Variants in DNMT1 observed in about 807,000 individuals in gnomAD.
DNMT1 encodes the protein DNA methyltransferase 1.
Under a neutral mutation model 205.3 loss-of-function variants are expected in DNMT1, and 24 were observed. The observed-to-expected ratio is 0.12, with a 90% CI of 0.08 to 0.16. DNMT1 has a LOEUF of 0.16. Among genes scored for constraint, DNMT1 ranks in the 10% least tolerant of loss-of-function variants. DNMT1 has a pLI of 1.00. For synonymous variants in DNMT1, 817 were observed against 839.8 expected (o/e 0.97, Z 0.47); for missense variants, 1,293 against 2,177.7 (o/e 0.59, Z 8.09).
rs555783291 is a variant in DNMT1, at chr19:10,146,817, G to A, written c.2721-293C>T. Among the ~76,000 whole-genome samples, 39 of 152,216 alleles carry A rather than the reference G, an allele frequency of 2.6e-4. No homozygotes were observed. The highest frequency in any genetic ancestry group is 8.4e-4 in the African/African-American group (35 of 41,530). On this transcript the variant is annotated intron_variant, in intron 27 of 40. Transcript: ENST00000359526. The surrounding 1 kb of genome is among the most constrained non-coding windows in gnomAD (Gnocchi z 4.4). ...TAGAATATGGTTAAGAACACACCAC[G>A]AGCAACAGTCCCGAGTGGCTCAGTG...
At chr19:10,148,490 C>T (rs182140989) in intron 27 of DNMT1, among the ~76,000 whole-genome samples, 112 of 142,596 alleles carry the variant, frequency 7.9e-4, no homozygotes, top group African/African-American at 2.7e-3. Flanking sequence ...AGCGAGACTC[C>T]GTCTCAAAAA....
In DNMT1 at chr19:10,182,228, A is replaced by G. The variant is rs370697384; in HGVS notation, c.81-151T>C. The G allele has an allele frequency of 2.8e-5, 22 of 775,718 alleles. No individual in the cohort carries two copies. The African/African-American group carries it at 3.6e-4, about 13-fold the overall frequency. 48.1% of individuals were successfully genotyped at this position (775,718 alleles called of 1,614,324 possible). The stretch of plus-strand genomic sequence containing the variant: ...ACTAAGCTGGCTTTTGTCTCCCCGC[A>G]AGAGTCTAGAGTGTCCTACTGGAAT... On this transcript the variant is annotated intron_variant, in intron 1 of 40. Transcript: ENST00000359526.
rs183986984 is a variant in DNMT1, at chr19:10,170,594, G to A, written c.769-2230C>T. 2.8e-3 allele frequency among the ~76,000 whole-genome samples: 422 copies of A among 151,602 alleles called. 2 individuals carry two copies. The highest frequency in any genetic ancestry group is 5.7e-3 in the South Asian group (27 of 4,778). ...CAGGAGACAGAGGTTGCAGTGAGCC[G>A]AGATCACACCACTGCACTGCAGCCT... On this transcript the variant is annotated intron_variant, in intron 9 of 40. Transcript: ENST00000359526.
rs2089432106 is a variant in DNMT1, at chr19:10,134,201, G to A, written c.4864+16C>T. 11 of 1,613,990 alleles carry A rather than the reference G, an allele frequency of 6.8e-6. No homozygotes were observed. Among genetic ancestry groups the A allele is most frequent in the Non-Finnish European group, 9.3e-6 (11 of 1,179,880 alleles). On this transcript the variant is annotated intron_variant, in intron 40 of 40. Transcript: ENST00000359526. ...GCAGTCAGGCCCCAGAGGAAGCCTG[G>A]CCCACCCCACCATACCTGAGGCACT...
At chr19:10,162,416 T>C (rs984975081) in intron 13 of DNMT1, among the ~76,000 whole-genome samples, 1 of 151,560 alleles carries the variant, frequency 6.6e-6, no homozygotes, top group Non-Finnish European at 1.5e-5. Context: ...ACTACGGGCG[T>C]GCACCACCAT....
intron 11 of DNMT1, among the ~76,000 whole-genome samples, chr19:10,163,889 T>G (rs1330190661): frequency 1.4e-5 from 2 of 146,620 alleles, no homozygotes; most frequent in African/African-American, 4.9e-5. Flanking sequence ...CAAAATATAC[T>G]ATATATATAT....
intron 1 of DNMT1, among the ~76,000 whole-genome samples, chr19:10,186,026 C>T (rs1304750458): frequency 6.6e-6 from 1 of 152,068 alleles, no homozygotes; most frequent in Non-Finnish European, 1.5e-5. Context: ...TAGCGTTACA[C>T]TTGACTTCTC....
chr19:10,161,505 G>A (rs1404768808), intron 13 of DNMT1, among the ~76,000 whole-genome samples: 6 of 151,998 alleles, frequency 3.9e-5, no homozygotes, highest in Non-Finnish European at 2.9e-5. Flanking sequence ...AAGTTAACTG[G>A]GTGTAGTGCC....
chr19:10,163,327 G>C lies in DNMT1; in HGVS notation c.925C>G (p.Leu309Val), dbSNP rs61758430. 5.1e-4 allele frequency: 818 copies of C among 1,613,922 alleles called. 5 individuals carry two copies. The African/African-American group carries it at 9.2e-3, about 18-fold the overall frequency. The change falls in exon 12 of 41, where the codon CTA becomes GTA. Residue 309 changes from leucine (L) to valine (V), a missense_variant and splice_region_variant. This residue lies in a region of DNMT1 where 394 missense variants were observed against 451.6 expected (regional missense o/e 0.87). Transcript: ENST00000359526. ...EKKHRSQPKD[L>V]AAKRRPEEKE... ...AGCACAAGCATTTTAAACACTTACA[G>C]ATCTTTGGGTTGACTTCTGTGCTTC...
At chr19:10,177,936 A>AG (rs2038965971) in intron 5 of DNMT1, among the ~76,000 whole-genome samples, 1 of 149,880 alleles carries the variant, frequency 6.7e-6, no homozygotes, top group African/African-American at 2.4e-5. Context: ...TGTCTCTTAA[A>AG]AAAAAAAAAA....
At chr19:10,167,252 G>C (rs2038717348) in intron 10 of DNMT1, among the ~76,000 whole-genome samples, 1 of 151,428 alleles carries the variant, frequency 6.6e-6, no homozygotes, top group African/African-American at 2.4e-5. Context: ...CTGGAGTGCA[G>C]TGATGTGATC....
chr19:10,155,211 G>C (rs1392005860), intron 19 of DNMT1, among the ~76,000 whole-genome samples, 155 bp from the exon 20 acceptor site: 1 of 152,176 alleles, frequency 6.6e-6, no homozygotes, highest in Non-Finnish European at 1.5e-5. Flanking sequence ...CATCATAGCT[G>C]GCTTGTTCTG....
chr19:10,142,360 C>G (rs942445829), intron 29 of DNMT1, 140 bp from the exon 30 acceptor site: 2 of 1,169,580 alleles, frequency 1.7e-6, no homozygotes, highest in Non-Finnish European at 2.5e-6. Flanking sequence ...TAAAGACCCC[C>G]TCAGTTAGGG....
chr19:10,186,257 T>C (rs562801816), intron 1 of DNMT1, among the ~76,000 whole-genome samples: 97 of 152,192 alleles, frequency 6.4e-4, no homozygotes, highest in Non-Finnish European at 9.7e-4. Context: ...ACCCCTAGAA[T>C]GTTTCATCCA....
rs2145331910 is a variant in DNMT1, at chr19:10,163,309, G to A, written c.926+17C>T. 1.9e-6 allele frequency: 3 copies of A among 1,613,610 alleles called. No homozygotes were observed. Among genetic ancestry groups the A allele is most frequent in the East Asian group, 2.2e-5 (1 of 44,874 alleles). The stretch of plus-strand genomic sequence containing the variant: ...TGATCCAGATGACACAAAAGCACAA[G>A]CATTTTAAACACTTACAGATCTTTG... On this transcript the variant is annotated intron_variant, in intron 12 of 40. Transcript: ENST00000359526.
At chr19:10,165,361 T>C (rs1054395071) in intron 11 of DNMT1, among the ~76,000 whole-genome samples, 2 of 152,100 alleles carry the variant, frequency 1.3e-5, no homozygotes, top group Admixed American at 1.3e-4. Flanking sequence ...CAGCCAACAA[T>C]CCTTGTTCTC....
chr19:10,170,700 C>T (rs1223577588), intron 9 of DNMT1, among the ~76,000 whole-genome samples: 1 of 152,164 alleles, frequency 6.6e-6, no homozygotes, highest in Non-Finnish European at 1.5e-5. Flanking sequence ...GGACAGCCAT[C>T]CTTTACTAAG....
Position 10,141,121 on chromosome 19 carries a change from C to T in DNMT1, c.3378G>A (p.Gly1126=). Residue 1126 remains glycine, a synonymous_variant, in exon 31 of 41, where the codon GGG becomes GGA. Coordinates refer to ENST00000359526, the MANE Select transcript of DNMT1 (RefSeq NM_001130823.3). ...ATGACGTACCTTTTCCCTTGCCCTT[C>T]CCTTTGTTTCCAGGGCTACGGGCAT... ...PNHARSPGNK[G]KGKGKGKGKP... The T allele has an allele frequency of 6.2e-7, 1 of 1,614,046 alleles. No homozygotes were observed. Among genetic ancestry groups the T allele is most frequent in the South Asian group, 1.1e-5 (1 of 91,070 alleles).
chr19:10,167,940 T>A (rs956424610), intron 10 of DNMT1, among the ~76,000 whole-genome samples: 4 of 152,000 alleles, frequency 2.6e-5, no homozygotes, highest in African/African-American at 9.7e-5. Context: ...CTGACCAATA[T>A]GGTGAAACCC....
Sources: gnomAD v4.1 joint callset for allele counts (sites outside exome capture counted in the v4.1 genomes callset) on GRCh38, gnomAD v4.1.1 for gene constraint, gnomAD v4.1.1 regional missense constraint, Gnocchi (gnomAD v3.1) non-coding constraint, MANE v1.5 for transcripts, NCBI Gene and HGNC (gene_info 2026-07-23, HGNC 2026-07-21) for gene names.